RBFOX1: variants seen among roughly 807,000 people sequenced by gnomAD.
The protein encoded by RBFOX1 is RNA binding protein fox-1 homolog 1.
A neutral mutation model predicts 57.7 loss-of-function variants in RBFOX1; 8 were observed. The ratio of observed to expected loss-of-function variants is 0.14; its 90% CI spans 0.08 to 0.25. RBFOX1 has a LOEUF of 0.25. Ranked by LOEUF, RBFOX1 falls within the 10% of genes least tolerant of loss-of-function variation. The pLI is 1.00. For missense variants in RBFOX1, 611 were observed against 548.5 expected (o/e 1.11, Z -1.14); for synonymous variants, 326 against 222.4 (o/e 1.47, Z -4.15).
intron 3 of RBFOX1, among the ~76,000 whole-genome samples, chr16:6,726,225 C>T (rs983354893): frequency 6.6e-6 from 1 of 152,082 alleles, no homozygotes; most frequent in African/African-American, 2.4e-5. Context: ...ACCACTAATT[C>T]CTACCCCCTA....
intron 3 of RBFOX1, among the ~76,000 whole-genome samples, chr16:6,679,458 CCTTT>C (rs1214588932): frequency 6.6e-6 from 1 of 152,074 alleles, no homozygotes; most frequent in Admixed American, 6.5e-5. Context: ...GTCTCACTTT[CCTTT>C]CTTTGACCTG....
chr16:5,296,683 C>CTT (rs908247757), intron 1 of RBFOX1, among the ~76,000 whole-genome samples: 3 of 143,180 alleles, frequency 2.1e-5, no homozygotes, highest in Non-Finnish European at 3.1e-5. Context: ...CTGAGCTAAA[C>CTT]TTTTTTTTTT....
At chr16:6,282,494 C>A (rs746459866) in intron 1 of RBFOX1, among the ~76,000 whole-genome samples, 2 of 151,730 alleles carry the variant, frequency 1.3e-5, no homozygotes, top group African/African-American at 4.8e-5. Context: ...AGGTGTTAAG[C>A]CCTGCATGCA....
chr16:7,205,337 G>A (rs2089704689), intron 4 of RBFOX1, among the ~76,000 whole-genome samples: 1 of 152,074 alleles, frequency 6.6e-6, no homozygotes, highest in East Asian at 1.9e-4. Flanking sequence ...GGCCAACATG[G>A]TGAAACCTCA....
intron 3 of RBFOX1, among the ~76,000 whole-genome samples, chr16:5,711,578 G>A (rs759574773): frequency 3.3e-5 from 5 of 152,196 alleles, no homozygotes; most frequent in Non-Finnish European, 7.3e-5. Context: ...GCAGGCAAAG[G>A]CCGTGGTCAT....
chr16:7,529,450 G>GCAAACAAA (rs2079469751), intron 5 of RBFOX1, among the ~76,000 whole-genome samples: 1 of 152,148 alleles, frequency 6.6e-6, no homozygotes, highest in Admixed American at 6.5e-5. Flanking sequence ...GGACCCTGTA[G>GCAAACAAA]TAATTTAGCA....
At chr16:6,992,830 C>T (rs2091708673) in intron 3 of RBFOX1, among the ~76,000 whole-genome samples, 1 of 101,430 alleles carries the variant, frequency 9.9e-6, no homozygotes, top group Non-Finnish European at 2.0e-5. Flanking sequence ...CTGATTCCTT[C>T]CTTTTCCAAA....
At chr16:5,839,727 T>C (rs1470042429) in intron 3 of RBFOX1, among the ~76,000 whole-genome samples, 2 of 123,676 alleles carry the variant, frequency 1.6e-5, no homozygotes, top group South Asian at 3.0e-4. Flanking sequence ...ACAAGATGGC[T>C]GCCATTGCTC....
chr16:7,173,925 C>T (rs1404741126), intron 4 of RBFOX1, among the ~76,000 whole-genome samples: 1 of 152,180 alleles, frequency 6.6e-6, no homozygotes, highest in Non-Finnish European at 1.5e-5. Context: ...CAAAACGTAT[C>T]CCACCCTGGG....
chr16:5,739,785 G>A lies in RBFOX1; in HGVS notation c.319-127518G>A, dbSNP rs116664676. Among the ~76,000 whole-genome samples, 739 of 152,368 alleles carry A rather than the reference G, an allele frequency of 4.9e-3. 9 individuals carry two copies. The highest frequency in any genetic ancestry group is 0.017 in the African/African-American group (706 of 41,596). On this transcript the variant is annotated intron_variant, in intron 3 of 19. Coordinates refer to the RBFOX1 transcript ENST00000641259. ...GAAAACAGGGGAGCCACTGCCCCAC[G>A]TTGGGGCCTCCTCCCCTCTCTCCAT... is the stretch of plus-strand genomic sequence containing the variant.
chr16:7,411,359 G>A (rs188278012), intron 4 of RBFOX1, among the ~76,000 whole-genome samples: 22 of 151,906 alleles, frequency 1.4e-4, no homozygotes, highest in African/African-American at 4.8e-4. Flanking sequence ...TAGTTTCCCC[G>A]ACAGTGTATG....
chr16:5,556,921 C>T (rs746228967), intron 2 of RBFOX1, among the ~76,000 whole-genome samples: 1 of 152,302 alleles, frequency 6.6e-6, no homozygotes, highest in South Asian at 2.1e-4. Flanking sequence ...GAAACTCCTT[C>T]AGCTTTGCTG....
intron 3 of RBFOX1, among the ~76,000 whole-genome samples, chr16:7,029,992 T>C (rs1322843237): frequency 6.6e-6 from 1 of 152,186 alleles, no homozygotes; most frequent in African/African-American, 2.4e-5. Context: ...GGACACACTT[T>C]TCGGTCACGT....
chr16:7,173,308 A>T (rs1273100217), intron 4 of RBFOX1, among the ~76,000 whole-genome samples: 1 of 152,212 alleles, frequency 6.6e-6, no homozygotes. Context: ...TAATTTGAAG[A>T]AACTAATAGC....
chr16:5,906,535 T>G (rs2058460759), intron 4 of RBFOX1, among the ~76,000 whole-genome samples: 1 of 152,086 alleles, frequency 6.6e-6, no homozygotes, highest in East Asian at 1.9e-4. Context: ...ATGTTTGTTG[T>G]TTAAGCTCCC....
chr16:6,837,890 A>G (rs576251796), intron 3 of RBFOX1, among the ~76,000 whole-genome samples: 3 of 152,284 alleles, frequency 2.0e-5, no homozygotes, highest in South Asian at 4.1e-4. Context: ...AGCATGCCCA[A>G]CAGCAACAAT....
rs370962096 is a variant in RBFOX1, at chr16:7,129,005, G to C, written c.27+76907G>C. On this transcript the variant is annotated intron_variant, in intron 4 of 15. Coordinates refer to ENST00000550418, the MANE Select transcript of RBFOX1 (RefSeq NM_018723.4). ...CCAGTTAATTTTTGTATTTTTAGTA[G>C]AGATGAGGTTTCACCATGTTGGCCA... Among the ~76,000 whole-genome samples the C allele has an allele frequency of 1.6e-4, 24 of 151,824 alleles. 1 individual carries two copies. The highest frequency in any genetic ancestry group is 4.4e-4 in the African/African-American group (18 of 41,336).
intron 4 of RBFOX1, among the ~76,000 whole-genome samples, chr16:5,904,031 C>G (rs74004700): frequency 0.011 from 1,644 of 152,242 alleles, 36 homozygotes; most frequent in African/African-American, 0.037. Context: ...GTCAGCGAGG[C>G]AGCCATGTGC....
chr16:5,749,903 T>C (rs577193513), intron 3 of RBFOX1, among the ~76,000 whole-genome samples: 2 of 152,354 alleles, frequency 1.3e-5, no homozygotes, highest in African/African-American at 4.8e-5. Flanking sequence ...TTTCCATTGC[T>C]GGTGAGGAGC....
Sources: allele counts gnomAD v4.1 joint callset (sites outside exome capture counted in the v4.1 genomes callset), GRCh38; gene constraint gnomAD v4.1.1; transcripts MANE v1.5; gene names NCBI Gene and HGNC (gene_info 2026-07-23, HGNC 2026-07-21).